TPCN2: variants seen among roughly 807,000 people sequenced by gnomAD.
TPCN2 encodes two pore channel protein 2.
In TPCN2, 92 loss-of-function variants were observed where a neutral mutation model predicts 111.4. The observed-to-expected ratio is 0.83, with a 90% CI of 0.70 to 0.98. TPCN2 has a LOEUF of 0.98. Among genes scored for constraint, TPCN2 ranks in the 50% least tolerant of loss-of-function variants. The probability of loss-of-function intolerance (pLI) is 0.00; values close to 1 mark genes in which losing one functional copy is unlikely to be tolerated. For missense variants in TPCN2, 995 were observed against 980.1 expected (o/e 1.02, Z -0.20); for synonymous variants, 405 against 414.5 (o/e 0.98, Z 0.28).
chr11:69,054,404 C>A, intron 2 of TPCN2: 1 of 559,954 alleles, frequency 1.8e-6, no homozygotes, highest in South Asian at 2.1e-5. Flanking sequence ...GTGGGAGGGT[C>A]AGCCTTGCAC....
At chr11:69,062,017 G>A (rs1187769739) in intron 5 of TPCN2, among the ~76,000 whole-genome samples, 1 of 152,000 alleles carries the variant, frequency 6.6e-6, no homozygotes, top group African/African-American at 2.4e-5. Context: ...TAGAGAAGGG[G>A]TTTATTTGGC....
intron 4 of TPCN2, among the ~76,000 whole-genome samples, chr11:69,055,592 T>C (rs1854721106): frequency 6.6e-6 from 1 of 151,298 alleles, no homozygotes; most frequent in Admixed American, 6.6e-5. Context: ...CTCCTCCCTC[T>C]CCACCATGCA....
intron 1 of TPCN2, among the ~76,000 whole-genome samples, chr11:69,052,202 C>T (rs187050910): frequency 2.6e-5 from 4 of 152,222 alleles, no homozygotes; most frequent in African/African-American, 7.2e-5. Flanking sequence ...GCCCGGAACT[C>T]GGCCGCTTGT....
intron 1 of TPCN2, 48 bp from the exon 2 acceptor site, chr11:69,053,984 AG>A (rs1381189581): frequency 1.3e-6 from 2 of 1,506,736 alleles, no homozygotes. Flanking sequence ...CTGGAGGGTG[AG>A]GCCATGTCAT....
Position 69,072,024 on chromosome 11 carries a change from G to C in TPCN2, c.1061+1G>C. 2 of 1,611,862 alleles carry C rather than the reference G, an allele frequency of 1.2e-6. No homozygotes were observed. The highest frequency in any genetic ancestry group is 1.7e-6 in the Non-Finnish European group (2 of 1,178,486). ...GGGAGGGAGGAGCCTTCCCTCAGGC[G>C]TGAGTGCTGGGCATGGACCCTCTTC... On this transcript the variant is annotated splice_donor_variant, in intron 11 of 24. Coordinates refer to ENST00000294309, the MANE Select transcript of TPCN2 (RefSeq NM_139075.4). LOFTEE classifies it high-confidence loss of function.
rs1257831709 is a variant in TPCN2 at position 69,070,497 on chromosome 11, T to C, written c.895+2T>C. Reference sequence around the variant, plus strand: ...TCTTCATAGTCTTCACTGTGATAGGTGAGTGCAGGTAACGTGGCCAGCATT... The same window carrying C: ...TCTTCATAGTCTTCACTGTGATAGGCGAGTGCAGGTAACGTGGCCAGCATT... On this transcript the variant is annotated splice_donor_variant, in intron 9 of 24. Transcript: ENST00000294309. LOFTEE classifies it high-confidence loss of function. The C allele has an allele frequency of 6.2e-7, 1 of 1,603,594 alleles. No homozygotes were observed.
chr11:69,068,768 A>T, intron 8 of TPCN2, among the ~76,000 whole-genome samples: 2 of 70,044 alleles, frequency 2.9e-5, no homozygotes, highest in East Asian at 4.1e-4. Flanking sequence ...GGAAGTGACC[A>T]CAGGGGGAGC....
Position 69,078,584 on chromosome 11 carries a change from A to T in TPCN2, c.1333A>T (p.Asn445Tyr). 6.2e-7 allele frequency: 1 copy of T among 1,613,986 alleles called. No individual in the cohort carries two copies. The highest frequency in any genetic ancestry group is 8.5e-7 in the Non-Finnish European group (1 of 1,180,006). ...CCTGGGGAACCTCATCGCCCTGGCA[A>T]ACCTGGTGTCCATTTGCGTGAGTGT... ...DYLGNLIALANLVSICVFLVL... is the reference protein window; with the variant it reads ...DYLGNLIALAYLVSICVFLVL... The change falls in exon 14 of 25, where the codon AAC (asparagine) becomes TAC (tyrosine). Residue 445 changes from asparagine to tyrosine, a missense_variant. Coordinates refer to ENST00000294309, the MANE Select transcript of TPCN2 (RefSeq NM_139075.4).
At chr11:69,087,269 G>GC (rs1856325457) in intron 24 of TPCN2, 63 bp downstream of exon 24, 2 of 1,494,608 alleles carry the variant, frequency 1.3e-6, no homozygotes, top group Non-Finnish European at 1.9e-6. Flanking sequence ...GAGCTGGGGG[G>GC]TGGAGGGGTT....
At chr11:69,052,952 T>C (rs935650299) in intron 1 of TPCN2, among the ~76,000 whole-genome samples, 1 of 152,174 alleles carries the variant, frequency 6.6e-6, no homozygotes, top group Non-Finnish European at 1.5e-5. Flanking sequence ...TTGCTTCGGG[T>C]TGAGTTTTCC....
At chr11:69,086,776 G>A (rs890082116) in intron 23 of TPCN2, among the ~76,000 whole-genome samples, 172 bp downstream of exon 23, 3 of 83,372 alleles carry the variant, frequency 3.6e-5, no homozygotes, top group Non-Finnish European at 5.2e-5. Flanking sequence ...AGTGCTGCCC[G>A]CCCTGGCTGC....
intron 18 of TPCN2, among the ~76,000 whole-genome samples, 159 bp from the exon 19 acceptor site, chr11:69,083,786 C>T (rs988593241): frequency 3.3e-5 from 5 of 150,766 alleles, no homozygotes; most frequent in East Asian, 1.9e-4. Context: ...TGTGTAGAGG[C>T]GTGTGGGGGT....
intron 5 of TPCN2, among the ~76,000 whole-genome samples, chr11:69,058,343 A>C (rs1209361946): frequency 6.6e-6 from 1 of 152,074 alleles, no homozygotes; most frequent in Non-Finnish European, 1.5e-5. Context: ...ACCCAGAACC[A>C]CCGGGAGCAG....
intron 16 of TPCN2, 158 bp downstream of exon 16, chr11:69,079,178 A>T: frequency 1.1e-6 from 1 of 943,008 alleles, no homozygotes; most frequent in African/African-American, 1.7e-5. Context: ...CTGCTGGCCG[A>T]GTTGCTCAGT....
chr11:69,072,554 A>G, intron 11 of TPCN2, 73 bp from the exon 12 acceptor site: 1 of 1,490,282 alleles, frequency 6.7e-7, no homozygotes, highest in Non-Finnish European at 9.3e-7. Flanking sequence ...ACGCCAGGGC[A>G]GGAGGACCCA....
At chr11:69,084,604 A>T (rs184585134) in intron 19 of TPCN2, 1 of 985,432 alleles carries the variant, frequency 1.0e-6, no homozygotes, top group East Asian at 1.1e-4. Context: ...GTGCAGAGTG[A>T]CAGGAGGCGC....
intron 1 of TPCN2, among the ~76,000 whole-genome samples, chr11:69,051,375 C>T (rs1373016240): frequency 1.3e-5 from 2 of 152,260 alleles, no homozygotes; most frequent in Non-Finnish European, 2.9e-5. Context: ...GAAGGGCTCA[C>T]TTAGCAAAGT....
chr11:69,077,055 G>A (rs111170101), intron 13 of TPCN2, among the ~76,000 whole-genome samples: 4 of 10,790 alleles, frequency 3.7e-4, no homozygotes, highest in Admixed American at 1.8e-3. Flanking sequence ...ACCTGCCCTC[G>A]TGCCATGTCC....
Position 69,081,461 on chromosome 11 carries a change from A to G in TPCN2, c.1651A>G (p.Ile551Val). The G allele has an allele frequency of 2.5e-6, 4 of 1,574,950 alleles. No homozygotes were observed. The highest frequency in any genetic ancestry group is 1.2e-5 in the South Asian group (1 of 86,140). The change falls in exon 18 of 25, where the codon ATC (isoleucine) becomes GTC (valine). Residue 551 changes from isoleucine (I) to valine (V), a missense_variant. Coordinates refer to ENST00000294309, the MANE Select transcript of TPCN2 (RefSeq NM_139075.4). ...CATGACCCGCATGCTGAACATGCTC[A>G]TCGTGTTCCGCTTCCTGCGTATCAT... ...WDMTRMLNMLIVFRFLRIIPS... is the reference protein window; with the variant it reads ...WDMTRMLNMLVVFRFLRIIPS...
Sources: gnomAD v4.1 joint callset for allele counts (sites outside exome capture counted in the v4.1 genomes callset) on GRCh38, gnomAD v4.1.1 for gene constraint, MANE v1.5 for transcripts, NCBI Gene and HGNC (gene_info 2026-07-23, HGNC 2026-07-21) for gene names.